Variants in TPRX1 observed in about 807,000 individuals in gnomAD.
TPRX1 encodes the protein tetrapeptide repeat homeobox 1.
Under a neutral mutation model 8.1 loss-of-function variants are expected in TPRX1, and 2 were observed. That is an observed-to-expected ratio of 0.25 (90% CI 0.10 to 0.78). The LOEUF (loss-of-function observed/expected upper bound fraction) is 0.78, where lower values mean the gene tolerates loss of function less well. Ranked by LOEUF, TPRX1 falls within the 30% of genes least tolerant of loss-of-function variation. TPRX1 has a pLI of 0.70. For synonymous variants in TPRX1, 257 were observed against 254.1 expected (o/e 1.01, Z -0.11); for missense variants, 517 against 586.9 (o/e 0.88, Z 1.23).
exon 4 of TPRX1, chr19:47,802,317 A>T: frequency 8.1e-7 from 1 of 1,230,076 alleles, no homozygotes; most frequent in Non-Finnish European, 1.0e-6. Flanking sequence ...TTCGGGCCTG[A>T]GATTGGGCCT....
chr19:47,816,159 C>T lies in TPRX1; in HGVS notation c.151+2309G>A, dbSNP rs932681228. Among the ~76,000 whole-genome samples, 26 of 151,954 alleles carry T rather than the reference C, an allele frequency of 1.7e-4. 2 individuals carry two copies. The highest frequency in any genetic ancestry group is 1.6e-3 in the Admixed American group (24 of 15,266). ...TCTCGGCTCACTGCATCCTCCGCCT[C>T]GCGGGTTCAAGCAATTCTCATGCCT... On this transcript the variant is annotated intron_variant, in intron 2 of 3. Coordinates refer to ENST00000535759, the Ensembl canonical transcript of TPRX1.
chr19:47,815,123 T>TATATATATATATGC (rs1568617307), intron 2 of TPRX1, among the ~76,000 whole-genome samples: 1 of 93,806 alleles, frequency 1.1e-5, no homozygotes, highest in African/African-American at 4.0e-5. Flanking sequence ...ATTATATATA[T>TATATATATATATGC]ATATATATAT....
intron 2 of TPRX1, among the ~76,000 whole-genome samples, chr19:47,816,360 G>A (rs935303500): frequency 1.3e-5 from 2 of 151,748 alleles, no homozygotes; most frequent in African/African-American, 2.4e-5. Context: ...GAACCACTGT[G>A]CCTGGCCTTC....
exon 4 of TPRX1, chr19:47,802,518 C>T (rs1222424652): frequency 6.5e-7 from 1 of 1,544,566 alleles, no homozygotes; most frequent in African/African-American, 1.4e-5. Flanking sequence ...GAGATTGGGC[C>T]TGGGATCGGG....
At chr19:47,806,635 G>A (rs1967737829) in intron 2 of TPRX1, among the ~76,000 whole-genome samples, 1 of 152,180 alleles carries the variant, frequency 6.6e-6, no homozygotes, top group Non-Finnish European at 1.5e-5. Context: ...TCTGATACGT[G>A]CTACAACATG....
At chr19:47,814,560 C>T (rs918176905) in intron 2 of TPRX1, among the ~76,000 whole-genome samples, 52 of 152,118 alleles carry the variant, frequency 3.4e-4, no homozygotes, top group African/African-American at 1.2e-3. Flanking sequence ...CCTCTCTGTT[C>T]CTTTAGGGAT....
intron 2 of TPRX1, chr19:47,818,367 T>TCAATCATC (rs1555800351): frequency 3.3e-6 from 1 of 301,468 alleles, no homozygotes; most frequent in East Asian, 8.8e-5. Context: ...CATCCATCCA[T>TCAATCATC]CATCCATCAC....
intron 2 of TPRX1, among the ~76,000 whole-genome samples, chr19:47,811,120 C>T (rs540588475): frequency 6.6e-6 from 1 of 151,726 alleles, no homozygotes; most frequent in Admixed American, 6.6e-5. Flanking sequence ...TCTCCTTCCT[C>T]AGCCTCCAGA....
Position 47,811,773 on chromosome 19 carries a change from A to G in TPRX1, c.151+6695T>C, listed in dbSNP as rs564953798. Among the ~76,000 whole-genome samples the G allele has an allele frequency of 2.7e-4, 41 of 152,254 alleles. No individual in the cohort carries two copies. The South Asian group carries it at 8.5e-3, about 32-fold the overall frequency. ...CAGCCTCCCAAAGTGCTGGGATTAC[A>G]GGCGTGAGCCACCGCGCCCGGCTAA... is the stretch of plus-strand genomic sequence containing the variant. On this transcript the variant is annotated intron_variant, in intron 2 of 3. Transcript: ENST00000535759.
intron 2 of TPRX1, among the ~76,000 whole-genome samples, chr19:47,806,293 C>T (rs1187321440): frequency 5.3e-5 from 8 of 151,940 alleles, no homozygotes; most frequent in African/African-American, 1.2e-4. Context: ...CTGAGGTGGA[C>T]GAATCACTTG....
rs368266036 is a variant in TPRX1, at chr19:47,818,340, T to TCATCCATCCATCCATCCATC, written c.151+108_151+127dup. The stretch of plus-strand genomic sequence containing the variant: ...ATCCATCCATCCATCCATCCATCCA[T>TCATCCATCCATCCATCCATC]CATCCATCCATCCATCCATCCATCC... On this transcript the variant is annotated intron_variant, in intron 2 of 3. Coordinates refer to ENST00000535759, the Ensembl canonical transcript of TPRX1. 4 of 226,374 alleles carry TCATCCATCCATCCATCCATC rather than the reference T, an allele frequency of 1.8e-5. No individual in the cohort carries two copies. The African/African-American group carries it at 2.1e-4, about 12-fold the overall frequency. The allele number at this position is 226,374 out of a possible 1,614,324, so 14.0% of individuals were successfully genotyped here.
chr19:47,802,550 G>T, exon 4 of TPRX1: 2 of 1,550,892 alleles, frequency 1.3e-6, no homozygotes, highest in Non-Finnish European at 1.7e-6. Flanking sequence ...AATTGGGCCT[G>T]GGATTGGGCC....
exon 4 of TPRX1, chr19:47,802,817 G>A (rs765477630): frequency 1.9e-6 from 3 of 1,601,098 alleles, no homozygotes; most frequent in Non-Finnish European, 2.6e-6. Context: ...GGGTTCCGCC[G>A]CTGGAAGGAT....
intron 2 of TPRX1, among the ~76,000 whole-genome samples, chr19:47,810,254 C>CAAAA (rs767070353): frequency 1.9e-4 from 4 of 21,394 alleles, no homozygotes; most frequent in African/African-American, 3.4e-4. Context: ...GACTCCATCT[C>CAAAA]AAAAAAAAAA....
chr19:47,817,943 G>C (rs1967859305), intron 2 of TPRX1, among the ~76,000 whole-genome samples: 1 of 152,246 alleles, frequency 6.6e-6, no homozygotes, highest in African/African-American at 2.4e-5. Flanking sequence ...TGAGGACAAG[G>C]AGCTGAGTGG....
intron 2 of TPRX1, among the ~76,000 whole-genome samples, chr19:47,811,369 C>T (rs533665281): frequency 1.3e-5 from 2 of 151,914 alleles, no homozygotes; most frequent in African/African-American, 4.8e-5. Context: ...AACCGAAACA[C>T]GCATGAACCA....
chr19:47,813,956 CGGGGTGGGGGT>C (rs1568616990), intron 2 of TPRX1, among the ~76,000 whole-genome samples: 1 of 886 alleles, frequency 1.1e-3, no homozygotes, highest in Non-Finnish European at 2.9e-3. Context: ...GTGGTGGGGG[CGGGGTGGGGGT>C]GGGGTGGGGA....
chr19:47,816,149 T>C (rs1210795734), intron 2 of TPRX1, among the ~76,000 whole-genome samples: 29 of 149,814 alleles, frequency 1.9e-4, no homozygotes. Flanking sequence ...GCTCACTGCA[T>C]CCTCCGCCTC....
chr19:47,818,912 G>T, intron 1 of TPRX1: 1 of 249,142 alleles, frequency 4.0e-6, no homozygotes, highest in Non-Finnish European at 8.0e-6. Context: ...CCCCACAACA[G>T]GCCCCTGTGT....
Sources: gnomAD v4.1 joint callset for allele counts (sites outside exome capture counted in the v4.1 genomes callset) on GRCh38, gnomAD v4.1.1 for gene constraint, MANE v1.5 for transcripts, NCBI Gene and HGNC (gene_info 2026-07-23, HGNC 2026-07-21) for gene names.